Variants in IQSEC1 observed in about 807,000 individuals in gnomAD.
IQSEC1 encodes IQ motif and SEC7 domain-containing protein 1.
IQSEC1 carries 31 observed loss-of-function variants against 91.0 expected under a neutral mutation model. That is an observed-to-expected ratio of 0.34 (90% CI 0.26 to 0.46). The LOEUF (loss-of-function observed/expected upper bound fraction) is 0.46, where lower values mean the gene tolerates loss of function less well. Among genes scored for constraint, IQSEC1 ranks in the 20% least tolerant of loss-of-function variants. IQSEC1 has a pLI of 1.00. For missense variants in IQSEC1, 1,388 were observed against 1,575.6 expected (o/e 0.88, Z 2.02); for synonymous variants, 699 against 662.6 (o/e 1.05, Z -0.84).
At chr3:12,960,218 C>T (rs1700160720) in intron 1 of IQSEC1, 1 of 152,232 alleles carries the variant, frequency 6.6e-6, no homozygotes, top group Non-Finnish European at 1.5e-5. Flanking sequence ...CTCTCTTTCC[C>T]ATCATCTCGG....
rs2124887380 is a variant in IQSEC1 at position 13,008,145 on chromosome 3, C to T, written c.23+64847G>A. ...ACGGGGTTACTTAGGTACTTCTTGGCAGTTCTGAAGTTCAGGACTGAACCT... is the reference window on the plus strand; with the variant it reads ...ACGGGGTTACTTAGGTACTTCTTGGTAGTTCTGAAGTTCAGGACTGAACCT... On this transcript the variant is annotated intron_variant, in intron 1 of 13. Transcript: ENST00000613206. The surrounding 1 kb of genome is among the most constrained non-coding windows in gnomAD (Gnocchi z 4.1). Among the ~76,000 whole-genome samples the T allele has an allele frequency of 6.6e-6, 1 of 152,294 alleles. No homozygotes were observed. Among genetic ancestry groups the T allele is most frequent in the South Asian group, 2.1e-4 (1 of 4,826 alleles).
intron 2 of IQSEC1, among the ~76,000 whole-genome samples, chr3:13,154,438 C>CATATAT (rs774589168): frequency 0.079 from 1,623 of 20,622 alleles, 273 homozygotes; most frequent in African/African-American, 0.086. Flanking sequence ...AACTTACATG[C>CATATAT]ATATATATAT....
chr3:12,913,853 C>T (rs1445434894), intron 8 of IQSEC1, among the ~76,000 whole-genome samples: 4 of 152,210 alleles, frequency 2.6e-5, no homozygotes, highest in Admixed American at 6.5e-5. Context: ...AGGTACCAGG[C>T]TTCTTAAACT....
At chr3:13,212,360 C>T (rs12639096) in intron 1 of IQSEC1, among the ~76,000 whole-genome samples, 5,445 of 152,342 alleles carry the variant, frequency 0.036, 162 homozygotes, top group East Asian at 0.13. Context: ...ATCAGGACTT[C>T]ATTCTTTACA....
chr3:13,135,479 C>T (rs545348668), intron 2 of IQSEC1, among the ~76,000 whole-genome samples: 1 of 152,348 alleles, frequency 6.6e-6, no homozygotes, highest in Admixed American at 6.5e-5. Context: ...GGGGTGAGGC[C>T]AGGGCCCAGG....
chr3:12,995,981 G>C (rs935482669), intron 1 of IQSEC1, among the ~76,000 whole-genome samples: 38 of 152,098 alleles, frequency 2.5e-4, no homozygotes, highest in African/African-American at 7.0e-4. Context: ...GAGTTTTGAG[G>C]CCAGCCTGGG....
At position 13,015,098 on chromosome 3, in the gene IQSEC1, C is replaced by T. The variant is rs140048139; in HGVS notation, c.23+57894G>A. 2.3e-3 allele frequency among the ~76,000 whole-genome samples: 354 copies of T among 152,322 alleles called. 2 individuals carry two copies. Among genetic ancestry groups the T allele is most frequent in the African/African-American group, 8.0e-3 (333 of 41,556 alleles). ...GGAAGGAAACACACCAAATATGCTC[C>T]AGGAGCCCTGGGCCACTGTGTGACT... On this transcript the variant is annotated intron_variant, in intron 1 of 13. Coordinates refer to ENST00000613206, the MANE Select transcript of IQSEC1 (RefSeq NM_001134382.3).
rs189266568 is a variant in IQSEC1, at chr3:13,181,257, C to T, written c.273-17124G>A. Among the ~76,000 whole-genome samples, 1,152 of 152,046 alleles carry T rather than the reference C, an allele frequency of 7.6e-3. 16 individuals are homozygous for T. The highest frequency in any genetic ancestry group is 0.025 in the African/African-American group (1,056 of 41,474). ...CTGCACTCCAGACTGGGCGACAGAG[C>T]GAGACTCCGTCTCAAACAAACAAAC... On this transcript the variant is annotated intron_variant, in intron 1 of 15. Coordinates refer to the IQSEC1 transcript ENST00000648114.
chr3:13,133,759 G>A (rs358388), intron 2 of IQSEC1, among the ~76,000 whole-genome samples: 75,068 of 152,168 alleles, frequency 0.49, 19,865 homozygotes, highest in Admixed American at 0.6. Context: ...CCAAGGGGAT[G>A]CTGCTTGGCC....
chr3:12,967,494 A>C lies in IQSEC1; in HGVS notation c.24-25629T>G. On this transcript the variant is annotated intron_variant, in intron 1 of 13. Coordinates refer to ENST00000613206, the MANE Select transcript of IQSEC1 (RefSeq NM_001134382.3). The surrounding 1 kb of genome is among the most constrained non-coding windows in gnomAD (Gnocchi z 5.9). Reference sequence around the variant, plus strand: ...CGGGCCGGGCCGGGAGCCGGGACCCAGGCCCAGCAGAGGCCGCCGACTCCC... The same window carrying C: ...CGGGCCGGGCCGGGAGCCGGGACCCCGGCCCAGCAGAGGCCGCCGACTCCC... 2.7e-6 allele frequency: 4 copies of C among 1,461,850 alleles called. No homozygotes were observed. The highest frequency in any genetic ancestry group is 3.6e-6 in the Non-Finnish European group (4 of 1,112,752). The allele number at this position is 1,461,850 out of a possible 1,614,324, so 90.6% of individuals were successfully genotyped here. A position where few individuals can be genotyped will look rare whatever the true frequency, so the allele number is the denominator to read the frequency against.
chr3:13,076,337 G>T (rs1415000325), upstream of IQSEC1, among the ~76,000 whole-genome samples: 2 of 152,212 alleles, frequency 1.3e-5, no homozygotes, highest in African/African-American at 4.8e-5. Flanking sequence ...GAAGCCGCTT[G>T]GATCAGAAGG....
At chr3:13,064,001 TAAA>T (rs3045648) in intron 1 of IQSEC1, among the ~76,000 whole-genome samples, 3,389 of 134,744 alleles carry the variant, frequency 0.025, 101 homozygotes, top group African/African-American at 0.1. Context: ...TTTGCAGTTG[TAAA>T]AAAAAAAAAA....
chr3:12,901,031 G>A lies in IQSEC1; in HGVS notation c.3297C>T (p.Pro1099=). The change falls in exon 14 of 14, where the codon CCC becomes CCT. Residue 1099 remains proline (P), a synonymous_variant. Coordinates refer to ENST00000613206, the MANE Select transcript of IQSEC1 (RefSeq NM_001134382.3). ...HHHGQPPAPP[P]PTSSKAKPSG... The stretch of plus-strand genomic sequence containing the variant: ...TGGGTTTGGCCTTGCTGCTGGTGGG[G>A]GGCGGCGGGGCAGGGGGCTGCCCAT... 1 of 1,544,018 alleles carries A rather than the reference G, an allele frequency of 6.5e-7. No individual in the cohort carries two copies.
intron 1 of IQSEC1, among the ~76,000 whole-genome samples, chr3:13,252,057 G>A (rs994321906): frequency 3.3e-5 from 5 of 152,106 alleles, no homozygotes; most frequent in African/African-American, 7.2e-5. Context: ...AACACAAAAC[G>A]TATCATCTTA....
chr3:13,122,804 C>A (rs1367982586), intron 2 of IQSEC1, among the ~76,000 whole-genome samples: 1 of 152,216 alleles, frequency 6.6e-6, no homozygotes, highest in South Asian at 2.1e-4. Context: ...AAATCCACAT[C>A]TCCCCATCAC....
At position 12,900,895 on chromosome 3, in the gene IQSEC1, CG is replaced by C. The variant is rs2124974363; in HGVS notation, c.*87del. 6.5e-7 allele frequency: 1 copy of C among 1,535,466 alleles called. No homozygotes were observed. The highest frequency in any genetic ancestry group is 1.2e-5 in the South Asian group (1 of 83,740). On this transcript the variant is annotated 3_prime_UTR_variant, in exon 14 of 14. Transcript: ENST00000613206. Reference sequence around the variant, plus strand: ...GGGAGAGATGGCAACAGAAGTGCCCCGGGTTTGGTGTGCGGCTGGCGACCCC... The same window carrying C: ...GGGAGAGATGGCAACAGAAGTGCCCCGGTTTGGTGTGCGGCTGGCGACCCC...
At chr3:12,977,277 G>A (rs1236281797) in intron 1 of IQSEC1, among the ~76,000 whole-genome samples, 2 of 151,760 alleles carry the variant, frequency 1.3e-5, no homozygotes, top group African/African-American at 2.4e-5. Context: ...GAGCCCAAGA[G>A]TTCAAGGCTG....
intron 3 of IQSEC1, among the ~76,000 whole-genome samples, chr3:12,928,739 C>T (rs746146333): frequency 6.6e-6 from 1 of 152,210 alleles, no homozygotes; most frequent in East Asian, 1.9e-4. Flanking sequence ...TCACACAGGT[C>T]GAAGGTGGGC....
intron 2 of IQSEC1, among the ~76,000 whole-genome samples, chr3:13,158,030 T>C (rs549304907): frequency 6.6e-6 from 1 of 152,346 alleles, no homozygotes; most frequent in Admixed American, 6.5e-5. Flanking sequence ...GCTCAGGGGC[T>C]GTTGCATAGT....
Sources: allele counts gnomAD v4.1 joint callset (sites outside exome capture counted in the v4.1 genomes callset), GRCh38; gene constraint gnomAD v4.1.1; non-coding constraint Gnocchi (gnomAD v3.1); transcripts MANE v1.5; gene names NCBI Gene and HGNC (gene_info 2026-07-23, HGNC 2026-07-21).